The following SUMF1 variants were observed in gnomAD, a reference collection of about 807,000 sequenced individuals.
The protein encoded by SUMF1 is sulfatase modifying factor 1.
A neutral mutation model predicts 47.6 loss-of-function variants in SUMF1; 48 were observed. The observed-to-expected ratio is 1.01, with a 90% CI of 0.80 to 1.28. The LOEUF (loss-of-function observed/expected upper bound fraction) is 1.28, where lower values mean the gene tolerates loss of function less well. Ranked by LOEUF, SUMF1 falls within the 50% of genes most tolerant of loss-of-function variation. The pLI is 0.00. For missense variants in SUMF1, 571 were observed against 485.4 expected, an observed-to-expected ratio of 1.18 and a Z score of -1.66; for synonymous variants, 230 against 192.1, an observed-to-expected ratio of 1.20 and a Z score of -1.63.
chr3:4,147,094 G>A (rs1694213301), intron 8 of SUMF1, among the ~76,000 whole-genome samples: 1 of 152,066 alleles, frequency 6.6e-6, no homozygotes, highest in South Asian at 2.1e-4. Flanking sequence ...TCAGAGAAAT[G>A]CAAATCAAAA....
At chr3:4,306,972 C>G (rs980032856) in intron 8 of SUMF1, among the ~76,000 whole-genome samples, 1 of 152,200 alleles carries the variant, frequency 6.6e-6, no homozygotes, top group African/African-American at 2.4e-5. Context: ...GTCTCTGAAA[C>G]CAGCTTCAAA....
rs918516888 is a variant in SUMF1 at position 4,376,250 on chromosome 3, T to C, written c.1014+80A>G. 6 of 1,521,204 alleles carry C rather than the reference T, an allele frequency of 3.9e-6. No homozygotes were observed. The African/African-American group carries it at 8.2e-5, about 21-fold the overall frequency. 94.2% of individuals were successfully genotyped at this position (1,521,204 alleles called of 1,614,324 possible). A position where few individuals can be genotyped will look rare whatever the true frequency, so the allele number is the denominator to read the frequency against. ...GGCATTTGCAGAAGTGAATGAGACA[T>C]TTGGGGCTATCATTTACAATGGATC... On this transcript the variant is annotated intron_variant, in intron 8 of 8. Transcript: ENST00000272902.
chr3:4,113,850 C>T (rs978514328), intron 8 of SUMF1, among the ~76,000 whole-genome samples: 16 of 151,948 alleles, frequency 1.1e-4, no homozygotes, highest in Admixed American at 2.6e-4. Flanking sequence ...TCCACAGATC[C>T]GGATGCCTCC....
At chr3:4,068,160 T>A (rs192038449) in intron 9 of SUMF1, among the ~76,000 whole-genome samples, 1 of 152,244 alleles carries the variant, frequency 6.6e-6, no homozygotes, top group Admixed American at 6.5e-5. Context: ...TTTCTTACAT[T>A]GATAAGTGAA....
intron 8 of SUMF1, among the ~76,000 whole-genome samples, chr3:4,261,719 A>G (rs1697090592): frequency 6.6e-6 from 1 of 152,168 alleles, no homozygotes; most frequent in Non-Finnish European, 1.5e-5. Context: ...TGCTTGAAAA[A>G]TCTATCCATG....
At chr3:4,201,410 C>T (rs543681182) in intron 8 of SUMF1, among the ~76,000 whole-genome samples, 4 of 152,128 alleles carry the variant, frequency 2.6e-5, no homozygotes, top group South Asian at 2.1e-4. Context: ...TTTTTCCATG[C>T]CTGTCTTATT....
chr3:4,117,551 T>G (rs1693449242), intron 8 of SUMF1, among the ~76,000 whole-genome samples: 1 of 152,124 alleles, frequency 6.6e-6, no homozygotes, highest in Admixed American at 6.5e-5. Context: ...GACAGAGGCC[T>G]GGGCTTAGAG....
At chr3:4,174,224 C>A (rs1181640848) in intron 8 of SUMF1, among the ~76,000 whole-genome samples, 2 of 151,884 alleles carry the variant, frequency 1.3e-5, no homozygotes, top group African/African-American at 4.8e-5. Context: ...GGCATGGTGG[C>A]AGGCACCTGT....
In SUMF1 at chr3:4,242,706, T is replaced by A. The variant is rs1399105666; in HGVS notation, c.1014+133624A>T. Among the ~76,000 whole-genome samples the A allele has an allele frequency of 2.0e-5, 3 of 152,204 alleles. No homozygotes were observed. In the South Asian group the frequency reaches 6.2e-4, roughly 32 times the overall value. Reference sequence around the variant, plus strand: ...TTTATTGAGGACTTTTGCATCGATGTTCATCAGGGATATTGGCCTAAATTT... The same window carrying A: ...TTTATTGAGGACTTTTGCATCGATGATCATCAGGGATATTGGCCTAAATTT... On this transcript the variant is annotated intron_variant and NMD_transcript_variant, in intron 8 of 12. Coordinates refer to the SUMF1 transcript ENST00000448413.
At chr3:4,407,875 G>T (rs1034049471) in intron 7 of SUMF1, among the ~76,000 whole-genome samples, 1 of 152,170 alleles carries the variant, frequency 6.6e-6, no homozygotes, top group African/African-American at 2.4e-5. Flanking sequence ...AGGATCTATG[G>T]TAAAACCCCT....
intron 8 of SUMF1, among the ~76,000 whole-genome samples, chr3:4,337,531 C>T (rs907791244): frequency 6.6e-6 from 1 of 152,110 alleles, no homozygotes; most frequent in African/African-American, 2.4e-5. Flanking sequence ...GCTAATCCCA[C>T]TAATTCCAAC....
intron 7 of SUMF1, among the ~76,000 whole-genome samples, chr3:4,405,869 T>C (rs1393235574): frequency 6.6e-6 from 1 of 152,220 alleles, no homozygotes; most frequent in Admixed American, 6.5e-5. Flanking sequence ...GAATACATTT[T>C]GGAAACTTTG....
At chr3:4,401,538 T>C (rs1264328013) in intron 7 of SUMF1, among the ~76,000 whole-genome samples, 2 of 152,168 alleles carry the variant, frequency 1.3e-5, no homozygotes, top group Non-Finnish European at 2.9e-5. Flanking sequence ...CCGGATTTAC[T>C]GTACCCGTGG....
At chr3:4,324,051 AAGAC>A (rs1381703645) in intron 8 of SUMF1, among the ~76,000 whole-genome samples, 2 of 152,192 alleles carry the variant, frequency 1.3e-5, no homozygotes, top group South Asian at 2.1e-4. Flanking sequence ...GATGATGAAA[AAGAC>A]AGCATAAGTG....
In SUMF1 at chr3:4,261,041, T is replaced by C. The variant is rs1177511254; in HGVS notation, c.1014+115289A>G. ...AAGCCAGTAGATGTGTGATAAGTTGTTACACCAACAATAACTAATACTCAC... is the reference window on the plus strand; with the variant it reads ...AAGCCAGTAGATGTGTGATAAGTTGCTACACCAACAATAACTAATACTCAC... On this transcript the variant is annotated intron_variant and NMD_transcript_variant, in intron 8 of 12. Transcript: ENST00000448413. Among the ~76,000 whole-genome samples the C allele has an allele frequency of 2.6e-5, 4 of 152,170 alleles. No individual in the cohort carries two copies. In the East Asian group the frequency reaches 7.7e-4, roughly 29 times the overall value.
chr3:4,327,083 G>T (rs1388080575), intron 8 of SUMF1, among the ~76,000 whole-genome samples: 5 of 152,154 alleles, frequency 3.3e-5, no homozygotes, highest in Non-Finnish European at 7.3e-5. Context: ...TGGCTCACAA[G>T]GGTATACTTT....
chr3:4,151,151 C>T (rs1694310001), intron 8 of SUMF1, among the ~76,000 whole-genome samples: 1 of 150,880 alleles, frequency 6.6e-6, no homozygotes, highest in Non-Finnish European at 1.5e-5. Flanking sequence ...AGAGAACAAG[C>T]AAACACATGA....
chr3:4,097,448 G>A (rs1692931410), intron 8 of SUMF1, among the ~76,000 whole-genome samples: 1 of 152,042 alleles, frequency 6.6e-6, no homozygotes, highest in Admixed American at 6.5e-5. Context: ...AGCTACTTGG[G>A]AGGCTGAGGC....
chr3:4,231,087 T>C (rs1181799857), intron 8 of SUMF1, among the ~76,000 whole-genome samples: 2 of 152,164 alleles, frequency 1.3e-5, no homozygotes, highest in Non-Finnish European at 2.9e-5. Context: ...CAGATATTCC[T>C]GAACAATTCA....
Sources: gnomAD v4.1 joint callset for allele counts (sites outside exome capture counted in the v4.1 genomes callset) on GRCh38, gnomAD v4.1.1 for gene constraint, MANE v1.5 for transcripts, NCBI Gene and HGNC (gene_info 2026-07-23, HGNC 2026-07-21) for gene names.